The following CPNE8 variants were observed in gnomAD, a reference collection of about 807,000 sequenced individuals.
The protein encoded by CPNE8 is copine 8.
A neutral mutation model predicts 81.5 loss-of-function variants in CPNE8; 45 were observed. That is an observed-to-expected ratio of 0.55 (90% confidence interval 0.44 to 0.71). CPNE8 has a LOEUF of 0.71. CPNE8 is among the 30% of genes least tolerant of loss of function. CPNE8 has a pLI of 0.00. For synonymous variants in CPNE8, 252 were observed against 226.3 expected (o/e 1.11, Z -1.02); for missense variants, 594 against 672.1 (o/e 0.88, Z 1.28).
intron 13 of CPNE8, among the ~76,000 whole-genome samples, chr12:38,722,609 A>C (rs1302424427): frequency 1.3e-5 from 2 of 152,188 alleles, no homozygotes; most frequent in Non-Finnish European, 2.9e-5. Context: ...TCTGACTGTT[A>C]TTCATCATGA....
At chr12:38,904,376 T>C (rs1306655830) in intron 1 of CPNE8, among the ~76,000 whole-genome samples, 1 of 152,092 alleles carries the variant, frequency 6.6e-6, no homozygotes, top group Admixed American at 6.5e-5. Flanking sequence ...ATAGCGGTGA[T>C]GCTGCTTTAT....
chr12:38,798,719 G>C (rs1249921952), intron 6 of CPNE8, among the ~76,000 whole-genome samples: 1 of 151,958 alleles, frequency 6.6e-6, no homozygotes, highest in Non-Finnish European at 1.5e-5. Context: ...AAATGAAAAT[G>C]GACTAAATGC....
At chr12:38,770,352 C>G (rs917530221) in intron 7 of CPNE8, among the ~76,000 whole-genome samples, 1 of 152,152 alleles carries the variant, frequency 6.6e-6, no homozygotes, top group Non-Finnish European at 1.5e-5. Flanking sequence ...CATCATTTAC[C>G]TCTAAAATTT....
intron 14 of CPNE8, among the ~76,000 whole-genome samples, chr12:38,701,173 G>A (rs1939933465): frequency 6.6e-6 from 1 of 152,172 alleles, no homozygotes; most frequent in African/African-American, 2.4e-5. Context: ...CATTTCAGAA[G>A]AGTTTGTGGA....
At chr12:38,817,126 G>A (rs1158521525) in intron 6 of CPNE8, among the ~76,000 whole-genome samples, 1 of 152,172 alleles carries the variant, frequency 6.6e-6, no homozygotes, top group Non-Finnish European at 1.5e-5. Flanking sequence ...AGGATAGAAA[G>A]CCCTAGAAAA....
chr12:38,791,039 T>G (rs141342437), intron 6 of CPNE8, among the ~76,000 whole-genome samples: 82 of 151,900 alleles, frequency 5.4e-4, no homozygotes, highest in African/African-American at 1.9e-3. Context: ...TCTTCGTTAA[T>G]GCCAAACTGA....
chr12:38,763,802 T>A (rs1337953635), intron 8 of CPNE8, among the ~76,000 whole-genome samples: 2 of 152,172 alleles, frequency 1.3e-5, no homozygotes, highest in Non-Finnish European at 2.9e-5. Context: ...GTGTTTCAAA[T>A]GCAATTATCT....
chr12:38,858,686 T>A (rs1192476428), intron 3 of CPNE8, among the ~76,000 whole-genome samples: 1 of 152,186 alleles, frequency 6.6e-6, no homozygotes, highest in Non-Finnish European at 1.5e-5. Flanking sequence ...ACCAGCCCTG[T>A]TTTTGCTAGT....
rs568230567 is a variant in CPNE8 at position 38,724,876 on chromosome 12, T to C, written c.822A>G (p.Gly274=). The change falls in exon 12 of 20, where the codon GGA becomes GGG. Residue 274 remains glycine (G), a synonymous_variant. Transcript: ENST00000331366. ...CAGAATTAGTATATTTTTTCTTTTTTCCTTTCTTTTTGGGATTCACCACCT... is the reference window on the plus strand; with the variant it reads ...CAGAATTAGTATATTTTTTCTTTTTCCCTTTCTTTTTGGGATTCACCACCT... ...VYEVVNPKKK[G]KKKKYTNSGT... 2.0e-6 allele frequency: 3 copies of C among 1,510,886 alleles called. No homozygotes were observed. In the Admixed American group the frequency reaches 5.2e-5, roughly 26 times the overall value. 93.6% of individuals were successfully genotyped at this position (1,510,886 alleles called of 1,614,324 possible). A position where few individuals can be genotyped will look rare whatever the true frequency, so the allele number is the denominator to read the frequency against.
At chr12:38,795,198 A>C (rs1942428800) in intron 6 of CPNE8, among the ~76,000 whole-genome samples, 1 of 152,186 alleles carries the variant, frequency 6.6e-6, no homozygotes, top group East Asian at 1.9e-4. Flanking sequence ...CAGACCACTT[A>C]TCGTGCAACT....
intron 1 of CPNE8, among the ~76,000 whole-genome samples, chr12:38,883,974 C>A (rs145843071): frequency 6.6e-6 from 1 of 152,156 alleles, no homozygotes; most frequent in African/African-American, 2.4e-5. Flanking sequence ...ATGTATCTCC[C>A]GTTCACTTGA....
intron 6 of CPNE8, among the ~76,000 whole-genome samples, chr12:38,814,518 T>A (rs146079720): frequency 3.9e-5 from 6 of 152,062 alleles, no homozygotes; most frequent in Non-Finnish European, 7.4e-5. Context: ...AAACGGGGTT[T>A]CACCATATTG....
intron 11 of CPNE8, among the ~76,000 whole-genome samples, chr12:38,729,955 A>G (rs1004123702): frequency 1.6e-5 from 2 of 126,950 alleles, no homozygotes; most frequent in African/African-American, 5.3e-5. Flanking sequence ...CAAAAATGCT[A>G]ATCTTCTTCT....
intron 6 of CPNE8, among the ~76,000 whole-genome samples, chr12:38,788,651 A>T (rs989429562): frequency 1.3e-5 from 2 of 151,716 alleles, no homozygotes; most frequent in South Asian, 4.1e-4. Context: ...AGGCATCCAA[A>T]TCAAAAAGAA....
At chr12:38,693,359 T>A (rs1939721529) in intron 15 of CPNE8, among the ~76,000 whole-genome samples, 1 of 152,054 alleles carries the variant, frequency 6.6e-6, no homozygotes, top group African/African-American at 2.4e-5. Flanking sequence ...ATAAGCATAA[T>A]AGAATGATAT....
chr12:38,703,131 A>T (rs2136691563), intron 13 of CPNE8, among the ~76,000 whole-genome samples: 1 of 152,338 alleles, frequency 6.6e-6, no homozygotes, highest in Admixed American at 6.5e-5. Context: ...ATATATTTAT[A>T]GTCACATACA....
At chr12:38,695,884 G>A (rs996796063) in intron 14 of CPNE8, among the ~76,000 whole-genome samples, 4 of 152,052 alleles carry the variant, frequency 2.6e-5, no homozygotes, top group African/African-American at 9.7e-5. Context: ...AGGGTGCAGT[G>A]AGCCCCTGAT....
chr12:38,766,497 A>T (rs1243592506), intron 8 of CPNE8, among the ~76,000 whole-genome samples: 1 of 152,188 alleles, frequency 6.6e-6, no homozygotes, highest in Non-Finnish European at 1.5e-5. Flanking sequence ...AAAATCTAAT[A>T]GTATAACACT....
chr12:38,741,769 C>T (rs2136795593), intron 10 of CPNE8, among the ~76,000 whole-genome samples: 1 of 152,160 alleles, frequency 6.6e-6, no homozygotes, highest in Non-Finnish European at 1.5e-5. Context: ...TTGCAATCTT[C>T]TCATCTGACA....
Sources: gnomAD v4.1 joint callset for allele counts (sites outside exome capture counted in the v4.1 genomes callset) on GRCh38, gnomAD v4.1.1 for gene constraint, MANE v1.5 for transcripts, NCBI Gene and HGNC (gene_info 2026-07-23, HGNC 2026-07-21) for gene names.